The following ARHGAP15 variants were observed in gnomAD, a reference collection of about 807,000 sequenced individuals.
ARHGAP15 encodes rho GTPase-activating protein 15.
In ARHGAP15, 51 loss-of-function variants were observed where a neutral mutation model predicts 63.7. The ratio of observed to expected loss-of-function variants is 0.80; its 90% CI spans 0.64 to 1.01. The LOEUF (loss-of-function observed/expected upper bound fraction) is 1.01, where lower values mean the gene tolerates loss of function less well. Ranked by LOEUF, ARHGAP15 falls within the 50% of genes least tolerant of loss-of-function variation. The probability of loss-of-function intolerance (pLI) is 0.00; values close to 1 mark genes in which losing one functional copy is unlikely to be tolerated. For missense variants in ARHGAP15, 560 were observed against 564.6 expected (o/e 0.99, Z 0.08); for synonymous variants, 191 against 193.8 (o/e 0.99, Z 0.12).
chr2:143,555,930 C>A (rs796432579), intron 10 of ARHGAP15, among the ~76,000 whole-genome samples: 1 of 115,858 alleles, frequency 8.6e-6, no homozygotes. Flanking sequence ...TAGAATAGAA[C>A]AGAGTAGAAA....
chr2:143,581,754 A>G (rs946229411), intron 11 of ARHGAP15, among the ~76,000 whole-genome samples: 5 of 152,198 alleles, frequency 3.3e-5, no homozygotes, highest in African/African-American at 7.2e-5. Context: ...GAAATGGCAC[A>G]TTCTGTCGCT....
At chr2:143,624,542 T>C (rs959705471) in intron 12 of ARHGAP15, among the ~76,000 whole-genome samples, 5 of 152,158 alleles carry the variant, frequency 3.3e-5, no homozygotes, top group African/African-American at 1.2e-4. Flanking sequence ...GAAAATAGTG[T>C]CTCATCAAAT....
At chr2:143,302,820 A>G (rs1682966959) in intron 6 of ARHGAP15, among the ~76,000 whole-genome samples, 1 of 152,078 alleles carries the variant, frequency 6.6e-6, no homozygotes, top group East Asian at 1.9e-4. Flanking sequence ...GACCAGAAGT[A>G]AACTCTTGTA....
intron 8 of ARHGAP15, among the ~76,000 whole-genome samples, chr2:143,478,565 C>T (rs1558998555): frequency 6.6e-6 from 1 of 152,172 alleles, no homozygotes; most frequent in Non-Finnish European, 1.5e-5. Flanking sequence ...TGCTACTTGG[C>T]TTAACTTCTC....
chr2:143,285,524 A>C (rs943876264), intron 6 of ARHGAP15, among the ~76,000 whole-genome samples: 10 of 152,146 alleles, frequency 6.6e-5, no homozygotes, highest in African/African-American at 1.9e-4. Flanking sequence ...CATAAAGATG[A>C]AAAATGCATT....
Position 143,436,939 on chromosome 2 carries a change from A to T in ARHGAP15, c.600A>T (p.Arg200Ser). The T allele has an allele frequency of 6.2e-7, 1 of 1,611,178 alleles. No homozygotes were observed. The highest frequency in any genetic ancestry group is 8.5e-7 in the Non-Finnish European group (1 of 1,179,132). Reference sequence around the variant, plus strand: ...CAAAGGATTCAAGTTGTCCATCAAGAAACCTGGAATTATTCAAAATCCAAA... The same window carrying T: ...CAAAGGATTCAAGTTGTCCATCAAGTAACCTGGAATTATTCAAAATCCAAA... ...RLPKDSSCPS[R>S]NLELFKIQRS... Residue 200 changes from arginine (R) to serine (S), a missense_variant, in exon 8 of 14, where the codon AGA (arginine) becomes AGT (serine). Transcript: ENST00000295095.
chr2:143,498,951 A>G lies in ARHGAP15; in HGVS notation c.826+11456A>G, dbSNP rs1692936745. 2.0e-5 allele frequency among the ~76,000 whole-genome samples: 3 copies of G among 152,180 alleles called. No homozygotes were observed. The South Asian group carries it at 6.2e-4, about 31-fold the overall frequency. The stretch of plus-strand genomic sequence containing the variant: ...TTTTCTTATAAAAGGCAGCCATTTA[A>G]GACACTTTCTAGATTCTTATTCACA... On this transcript the variant is annotated intron_variant, in intron 9 of 13. Coordinates refer to ENST00000295095, the MANE Select transcript of ARHGAP15 (RefSeq NM_018460.4).
chr2:143,183,362 G>T lies in ARHGAP15; in HGVS notation c.166-18772G>T, dbSNP rs187336617. 3.3e-5 allele frequency among the ~76,000 whole-genome samples: 5 copies of T among 152,294 alleles called. No individual in the cohort carries two copies. The East Asian group carries it at 9.6e-4, about 29-fold the overall frequency. ...AATGACTAATTAGCATCAGCCTAAA[G>T]AGGTCTGTATTGTTGAAATTATAGA... On this transcript the variant is annotated intron_variant, in intron 2 of 13. Transcript: ENST00000295095.
intron 6 of ARHGAP15, among the ~76,000 whole-genome samples, chr2:143,356,782 A>C (rs1685828777): frequency 6.6e-6 from 1 of 152,200 alleles, no homozygotes; most frequent in Non-Finnish European, 1.5e-5. Context: ...TATTTTGAAC[A>C]CTTGCATATA....
intron 6 of ARHGAP15, among the ~76,000 whole-genome samples, chr2:143,393,467 C>T (rs746762827): frequency 6.6e-6 from 1 of 152,098 alleles, no homozygotes; most frequent in Non-Finnish European, 1.5e-5. Flanking sequence ...GGCACGGTGG[C>T]TCATGCCTGT....
intron 5 of ARHGAP15, chr2:143,237,015 G>A (rs927097130): frequency 6.6e-6 from 1 of 152,062 alleles, no homozygotes; most frequent in East Asian, 1.9e-4. Context: ...AAGTCAGTGT[G>A]GAACCGGTTT....
At chr2:143,334,448 C>A (rs1275681342) in intron 6 of ARHGAP15, among the ~76,000 whole-genome samples, 1 of 152,016 alleles carries the variant, frequency 6.6e-6, no homozygotes, top group African/African-American at 2.4e-5. Flanking sequence ...CATATGTGTC[C>A]ATTTTTTTCT....
intron 2 of ARHGAP15, chr2:143,172,102 C>T (rs1335425991): frequency 5.3e-5 from 8 of 152,124 alleles, no homozygotes; most frequent in Admixed American, 5.2e-4. Flanking sequence ...TGAACCTGCT[C>T]TCTTTTAAAT....
At chr2:143,195,323 T>C (rs1691849244) in intron 2 of ARHGAP15, among the ~76,000 whole-genome samples, 1 of 152,172 alleles carries the variant, frequency 6.6e-6, no homozygotes, top group Non-Finnish European at 1.5e-5. Context: ...TTACTTATCA[T>C]ACACTAATAA....
intron 13 of ARHGAP15, among the ~76,000 whole-genome samples, chr2:143,751,206 G>T (rs139732338): frequency 0.038 from 5,814 of 152,276 alleles, 157 homozygotes; most frequent in Non-Finnish European, 0.055. Context: ...GGCATCCAGG[G>T]CCCATCACAG....
At chr2:143,467,696 T>C (rs1439261017) in intron 8 of ARHGAP15, among the ~76,000 whole-genome samples, 1 of 152,086 alleles carries the variant, frequency 6.6e-6, no homozygotes, top group Non-Finnish European at 1.5e-5. Context: ...CATTTAGGCT[T>C]ATAGATCTTA....
chr2:143,316,018 G>A (rs1478118950), intron 6 of ARHGAP15, among the ~76,000 whole-genome samples: 3 of 151,990 alleles, frequency 2.0e-5, no homozygotes, highest in African/African-American at 7.2e-5. Flanking sequence ...CCTGGGAGGT[G>A]GAGGTTCCAG....
chr2:143,150,751 T>C (rs1255515505), intron 1 of ARHGAP15, among the ~76,000 whole-genome samples: 3 of 152,030 alleles, frequency 2.0e-5, no homozygotes, highest in South Asian at 4.1e-4. Flanking sequence ...TGTAAGAACA[T>C]AAAAACACAA....
In ARHGAP15 at chr2:143,686,248, A is replaced by G. The variant is rs372701195; in HGVS notation, c.1139-17171A>G. 8.8e-4 allele frequency among the ~76,000 whole-genome samples: 30 copies of G among 34,086 alleles called. No homozygotes were observed. In the East Asian group the frequency reaches 0.01, roughly 12 times the overall value. 22.4% of individuals were successfully genotyped at this position (34,086 alleles called of 152,430 possible). ...ATGGTGAAACCCCTCTCTACTAAAAATACAAAAATTAGCTGGGTGGAGGCT... is the reference window on the plus strand; with the variant it reads ...ATGGTGAAACCCCTCTCTACTAAAAGTACAAAAATTAGCTGGGTGGAGGCT... On this transcript the variant is annotated intron_variant, in intron 12 of 13. Transcript: ENST00000295095.
Sources: allele counts gnomAD v4.1 joint callset (sites outside exome capture counted in the v4.1 genomes callset), GRCh38; gene constraint gnomAD v4.1.1; transcripts MANE v1.5; gene names NCBI Gene and HGNC (gene_info 2026-07-23, HGNC 2026-07-21).